Variants in PRKCE observed in about 807,000 individuals in gnomAD.
The protein encoded by PRKCE is protein kinase C epsilon type.
PRKCE carries 16 observed loss-of-function variants against 85.4 expected under a neutral mutation model. That is an observed-to-expected ratio of 0.19 (90% CI 0.13 to 0.28). PRKCE has a LOEUF of 0.28. PRKCE is among the 10% of genes least tolerant of loss of function. PRKCE has a pLI of 1.00. For synonymous variants in PRKCE, 388 were observed against 371.5 expected (o/e 1.04, Z -0.51); for missense variants, 573 against 975.2 (o/e 0.59, Z 5.49).
chr2:45,843,033 A>G lies in PRKCE; in HGVS notation c.382A>G (p.Ile128Val). ...GGAGCCAGAAGGAAGAGTGTATGTGATCATCGATCTCTCAGGGTCGTCGGG... is the reference window on the plus strand; with the variant it reads ...GGAGCCAGAAGGAAGAGTGTATGTGGTCATCGATCTCTCAGGGTCGTCGGG... The part of the protein sequence containing the change: ...DLEPEGRVYV[I>V]IDLSGSSGEA... Residue 128 changes from isoleucine (I) to valine (V), a missense_variant, in exon 2 of 15, where the codon ATC becomes GTC. By Grantham distance (29) the Ile-to-Val change is conservative. Around this residue, in one of 11 missense-constraint regions of PRKCE, gnomAD observed 100 missense variants for 177.1 expected, o/e 0.56. Transcript: ENST00000306156. The G allele has an allele frequency of 6.2e-7, 1 of 1,614,176 alleles. No homozygotes were observed. Among genetic ancestry groups the G allele is most frequent in the Non-Finnish European group, 8.5e-7 (1 of 1,180,030 alleles).
At chr2:45,756,938 A>G (rs1028190439) in intron 1 of PRKCE, among the ~76,000 whole-genome samples, 1 of 152,150 alleles carries the variant, frequency 6.6e-6, no homozygotes. Flanking sequence ...GTCAAAACTT[A>G]TCAAGGTTTA....
At chr2:45,857,318 TC>T (rs1692756291) in intron 2 of PRKCE, among the ~76,000 whole-genome samples, 1 of 152,214 alleles carries the variant, frequency 6.6e-6, no homozygotes, top group African/African-American at 2.4e-5. Context: ...CAAAATCCCC[TC>T]ACTATGTCTC....
intron 1 of PRKCE, among the ~76,000 whole-genome samples, chr2:45,736,119 C>A (rs772293816): frequency 1.4e-4 from 22 of 152,148 alleles, no homozygotes; most frequent in Admixed American, 2.6e-4. Context: ...TGCCACCACA[C>A]TCAGCTGATT....
At chr2:45,996,791 G>A (rs993705576) in intron 6 of PRKCE, among the ~76,000 whole-genome samples, 3 of 152,086 alleles carry the variant, frequency 2.0e-5, no homozygotes, top group African/African-American at 7.2e-5. Flanking sequence ...TTATTGATCT[G>A]TAGATTTTAT....
At chr2:45,838,727 C>G (rs531910897) in intron 1 of PRKCE, among the ~76,000 whole-genome samples, 2 of 152,174 alleles carry the variant, frequency 1.3e-5, no homozygotes, top group Non-Finnish European at 2.9e-5. Context: ...ATCCTCCTGC[C>G]TCTGCCTCCC....
At chr2:45,991,227 T>C (rs750677009) in intron 6 of PRKCE, among the ~76,000 whole-genome samples, 8 of 150,964 alleles carry the variant, frequency 5.3e-5, no homozygotes, top group Non-Finnish European at 8.9e-5. Flanking sequence ...GGGTGGTCTT[T>C]AGCTCCCAAC....
rs1302038571 is a variant in PRKCE, at chr2:45,895,862, G to A, written c.412+52799G>A. ...AGGGGTTGGGGCTGTGATAGAGAAG[G>A]GTGGAGGATGCAGGCAAGGGGCTCC... On this transcript the variant is annotated intron_variant, in intron 2 of 14. Coordinates refer to ENST00000306156, the MANE Select transcript of PRKCE (RefSeq NM_005400.3). This position sits in a 1 kb window ranked among gnomAD's most constrained non-coding sequence, Gnocchi z 4.8. Among the ~76,000 whole-genome samples the A allele has an allele frequency of 6.6e-6, 1 of 152,174 alleles. No homozygotes were observed. The highest frequency in any genetic ancestry group is 1.5e-5 in the Non-Finnish European group (1 of 68,034).
intron 1 of PRKCE, among the ~76,000 whole-genome samples, chr2:45,716,671 G>A (rs202027088): frequency 2.3e-5 from 3 of 130,462 alleles, no homozygotes; most frequent in Non-Finnish European, 5.0e-5. Flanking sequence ...AGAAGAAAAA[G>A]AAGAAGAAGA....
At chr2:45,760,754 C>G (rs1156709611) in intron 1 of PRKCE, among the ~76,000 whole-genome samples, 1 of 152,068 alleles carries the variant, frequency 6.6e-6, no homozygotes, top group Non-Finnish European at 1.5e-5. Flanking sequence ...GAGATTATAC[C>G]CGGTGAAAGG....
intron 1 of PRKCE, among the ~76,000 whole-genome samples, chr2:45,726,363 C>T (rs960116253): frequency 6.6e-6 from 1 of 152,194 alleles, no homozygotes; most frequent in Non-Finnish European, 1.5e-5. Context: ...ATAGCAATTT[C>T]TTGCTGTGGG....
intron 1 of PRKCE, among the ~76,000 whole-genome samples, chr2:45,832,276 G>T (rs984935867): frequency 2.2e-4 from 34 of 151,884 alleles, no homozygotes; most frequent in African/African-American, 7.3e-4. Flanking sequence ...GACAATGAAG[G>T]AGCATTACTC....
Position 45,910,476 on chromosome 2 carries a change from A to T in PRKCE, c.413-65953A>T, listed in dbSNP as rs540229956. On this transcript the variant is annotated intron_variant, in intron 2 of 14. Transcript: ENST00000306156. ...GGGTGTGAGTTGCACGATAGAAAGG[A>T]TAACCTGGGAGCACCTTACATGGGA... Among the ~76,000 whole-genome samples, 5 of 152,284 alleles carry T rather than the reference A, an allele frequency of 3.3e-5. No individual in the cohort carries two copies. The South Asian group carries it at 1.0e-3, about 32-fold the overall frequency.
intron 1 of PRKCE, among the ~76,000 whole-genome samples, chr2:45,777,329 T>C (rs1278320782): frequency 1.3e-5 from 2 of 152,096 alleles, no homozygotes; most frequent in Non-Finnish European, 2.9e-5. Flanking sequence ...TATATTCATG[T>C]ACCAGCTTGA....
At chr2:45,797,962 G>A (rs1365597165) in intron 1 of PRKCE, among the ~76,000 whole-genome samples, 9 of 152,136 alleles carry the variant, frequency 5.9e-5, no homozygotes, top group South Asian at 2.1e-4. Flanking sequence ...GAGTTCCTTC[G>A]CCAAAACCCA....
chr2:45,966,069 C>T (rs1701708717), intron 2 of PRKCE, among the ~76,000 whole-genome samples: 1 of 152,134 alleles, frequency 6.6e-6, no homozygotes, highest in Non-Finnish European at 1.5e-5. Flanking sequence ...GCTATTTTGC[C>T]ATCCTTGGGA....
intron 2 of PRKCE, among the ~76,000 whole-genome samples, chr2:45,899,156 A>G (rs939580352): frequency 6.6e-6 from 1 of 152,192 alleles, no homozygotes; most frequent in Non-Finnish European, 1.5e-5. Context: ...TGGTGGCCTC[A>G]TTCCCTAAGC....
chr2:46,043,190 T>G (rs1268544117), intron 10 of PRKCE, among the ~76,000 whole-genome samples: 2 of 152,158 alleles, frequency 1.3e-5, no homozygotes, highest in Non-Finnish European at 2.9e-5. Flanking sequence ...GTTTCAGATA[T>G]GTACTTCTGA....
intron 10 of PRKCE, among the ~76,000 whole-genome samples, chr2:46,055,754 C>A: frequency 6.6e-6 from 1 of 152,152 alleles, no homozygotes. Context: ...CCTCAACCAC[C>A]TGGGCTCAAG....
chr2:46,032,056 G>A (rs1230647850), intron 10 of PRKCE, among the ~76,000 whole-genome samples: 2 of 152,170 alleles, frequency 1.3e-5, no homozygotes, highest in Non-Finnish European at 1.5e-5. Context: ...CCTTTGCGCA[G>A]TGGAAATAAT....
Sources: gnomAD v4.1 joint callset for allele counts (sites outside exome capture counted in the v4.1 genomes callset) on GRCh38, gnomAD v4.1.1 for gene constraint, gnomAD v4.1.1 regional missense constraint, Gnocchi (gnomAD v3.1) non-coding constraint, MANE v1.5 for transcripts, NCBI Gene and HGNC (gene_info 2026-07-23, HGNC 2026-07-21) for gene names.